Variants in ADAMTSL3 observed in about 807,000 individuals in gnomAD.
The protein encoded by ADAMTSL3 is ADAMTS-like protein 3.
Under a neutral mutation model 201.7 loss-of-function variants are expected in ADAMTSL3, and 128 were observed. The observed-to-expected ratio is 0.63, with a 90% CI of 0.55 to 0.73. ADAMTSL3 has a LOEUF of 0.73. Among genes scored for constraint, ADAMTSL3 ranks in the 30% least tolerant of loss-of-function variants. The pLI is 0.00. For missense variants in ADAMTSL3, 1,990 were observed against 2,119.6 expected, an observed-to-expected ratio of 0.94 and a Z score of 1.20; for synonymous variants, 738 against 748.4, an observed-to-expected ratio of 0.99 and a Z score of 0.23.
At chr15:83,917,423 GTA>G (rs879853348) in intron 16 of ADAMTSL3, among the ~76,000 whole-genome samples, 16 of 151,416 alleles carry the variant, frequency 1.1e-4, no homozygotes, top group South Asian at 6.3e-4. Flanking sequence ...GTGTGTGTAT[GTA>G]TGTATGTATG....
At chr15:83,792,849 G>A (rs1399942521) in intron 4 of ADAMTSL3, among the ~76,000 whole-genome samples, 1 of 151,412 alleles carries the variant, frequency 6.6e-6, no homozygotes, top group Non-Finnish European at 1.5e-5. Context: ...TATATCCAAA[G>A]GAAATGAAAT....
intron 2 of ADAMTSL3, among the ~76,000 whole-genome samples, chr15:83,680,003 A>G (rs950181839): frequency 2.0e-5 from 3 of 152,170 alleles, no homozygotes; most frequent in African/African-American, 7.2e-5. Flanking sequence ...ACCATTTATT[A>G]GGGTGTAGAA....
chr15:83,904,402 A>C (rs1303784117), intron 15 of ADAMTSL3, among the ~76,000 whole-genome samples: 2 of 152,014 alleles, frequency 1.3e-5, no homozygotes, highest in Non-Finnish European at 2.9e-5. Context: ...TGGTTTGGGG[A>C]TGCTTGCTTG....
rs1300677437 is a variant in ADAMTSL3 at position 83,872,299 on chromosome 15, C to T, written c.960+1340C>T. ...CTCGGGTCTGCCGTGGTCCACACCA[C>T]TGTGTATTGTGTCCCTAACACTAAA... is the stretch of plus-strand genomic sequence containing the variant. On this transcript the variant is annotated intron_variant, in intron 9 of 29. Coordinates refer to ENST00000286744, the MANE Select transcript of ADAMTSL3 (RefSeq NM_207517.3). 2.0e-5 allele frequency among the ~76,000 whole-genome samples: 3 copies of T among 152,002 alleles called. 1 individual carries two copies. The highest frequency in any genetic ancestry group is 7.3e-5 in the African/African-American group (3 of 41,378).
At chr15:83,797,279 A>G (rs1446185045) in intron 4 of ADAMTSL3, among the ~76,000 whole-genome samples, 1 of 152,240 alleles carries the variant, frequency 6.6e-6, no homozygotes, top group African/African-American at 2.4e-5. Flanking sequence ...AGTAAAAAAC[A>G]AATGAGAATT....
chr15:83,937,764 G>T (rs1178158725), intron 17 of ADAMTSL3, among the ~76,000 whole-genome samples: 1 of 151,070 alleles, frequency 6.6e-6, no homozygotes, highest in Non-Finnish European at 1.5e-5. Flanking sequence ...TTAATTGAAT[G>T]TAAAATTTCT....
chr15:83,762,606 C>T (rs536652219), intron 3 of ADAMTSL3, among the ~76,000 whole-genome samples: 1 of 151,992 alleles, frequency 6.6e-6, no homozygotes, highest in Non-Finnish European at 1.5e-5. Context: ...AGAGAGGGAA[C>T]TAACTCTCTC....
At chr15:83,782,552 A>G (rs2141792555) in intron 4 of ADAMTSL3, among the ~76,000 whole-genome samples, 1 of 152,328 alleles carries the variant, frequency 6.6e-6, no homozygotes, top group African/African-American at 2.4e-5. Flanking sequence ...CCATAAAAAA[A>G]TGAGATCATG....
At chr15:83,938,932 C>T (rs2066507213) in intron 17 of ADAMTSL3, among the ~76,000 whole-genome samples, 1 of 152,140 alleles carries the variant, frequency 6.6e-6, no homozygotes, top group South Asian at 2.1e-4. Context: ...TCTCACCTTC[C>T]CGCCCCCAAG....
chr15:84,037,294 C>A (rs904807913), intron 29 of ADAMTSL3, among the ~76,000 whole-genome samples: 1 of 152,150 alleles, frequency 6.6e-6, no homozygotes, highest in Admixed American at 6.5e-5. Context: ...GTCTTACGTG[C>A]TAAGACAAAG....
intron 15 of ADAMTSL3, among the ~76,000 whole-genome samples, chr15:83,911,602 A>C (rs917830813): frequency 2.0e-5 from 3 of 152,204 alleles, no homozygotes; most frequent in Admixed American, 6.5e-5. Flanking sequence ...ATTAGAGAGA[A>C]GGGTTCCCCA....
chr15:83,974,751 T>G (rs1003567850), intron 20 of ADAMTSL3, among the ~76,000 whole-genome samples: 5 of 152,222 alleles, frequency 3.3e-5, no homozygotes, highest in African/African-American at 1.2e-4. Context: ...AACAGAAATA[T>G]GTAGTGTTTG....
chr15:83,883,717 A>G (rs1245780109), intron 9 of ADAMTSL3, among the ~76,000 whole-genome samples: 2 of 151,692 alleles, frequency 1.3e-5, no homozygotes, highest in African/African-American at 4.8e-5. Context: ...GCATGCCACC[A>G]CACCTGGCTA....
chr15:83,698,807 A>T (rs2061724287), intron 2 of ADAMTSL3, among the ~76,000 whole-genome samples: 1 of 152,040 alleles, frequency 6.6e-6, no homozygotes, highest in South Asian at 2.1e-4. Context: ...GTCAACGTTG[A>T]CTTCCCTGTT....
At chr15:83,723,207 A>T (rs1042736945) in intron 3 of ADAMTSL3, among the ~76,000 whole-genome samples, 3 of 152,208 alleles carry the variant, frequency 2.0e-5, no homozygotes, top group African/African-American at 7.2e-5. Flanking sequence ...ATTCAACTTT[A>T]TTTCTAATCA....
intron 9 of ADAMTSL3, 82 bp from the exon 10 acceptor site, chr15:83,885,019 A>G: frequency 2.2e-6 from 2 of 890,852 alleles, no homozygotes; most frequent in South Asian, 3.1e-5. Flanking sequence ...ACATACATGA[A>G]GAACATTTAT....
At chr15:83,783,543 A>G (rs948929561) in intron 4 of ADAMTSL3, among the ~76,000 whole-genome samples, 14 of 152,168 alleles carry the variant, frequency 9.2e-5, no homozygotes, top group Admixed American at 7.9e-4. Flanking sequence ...CTGAAAATAA[A>G]AGCATGGAAA....
At chr15:83,864,782 A>T (rs1318251398) in intron 8 of ADAMTSL3, among the ~76,000 whole-genome samples, 2 of 152,164 alleles carry the variant, frequency 1.3e-5, no homozygotes, top group African/African-American at 4.8e-5. Context: ...CGCAGGAGAA[A>T]GAAATAAAGG....
At chr15:83,969,388 G>T (rs1484870288) in intron 19 of ADAMTSL3, among the ~76,000 whole-genome samples, 1 of 152,188 alleles carries the variant, frequency 6.6e-6, no homozygotes, top group Non-Finnish European at 1.5e-5. Context: ...AGATTCCAGT[G>T]AGCTGAGATC....
Sources: allele counts gnomAD v4.1 joint callset (sites outside exome capture counted in the v4.1 genomes callset), GRCh38; gene constraint gnomAD v4.1.1; transcripts MANE v1.5; gene names NCBI Gene and HGNC (gene_info 2026-07-23, HGNC 2026-07-21).